LIMS2: variants seen among roughly 807,000 people sequenced by gnomAD.
The protein encoded by LIMS2 is LIM and senescent cell antigen-like-containing domain protein 2.
LIMS2 carries 30 observed loss-of-function variants against 45.3 expected under a neutral mutation model. The ratio of observed to expected loss-of-function variants is 0.66; its 90% confidence interval spans 0.50 to 0.90. The LOEUF is 0.90. LIMS2 is among the 40% of genes least tolerant of loss of function. LIMS2 has a pLI of 0.00. For missense variants in LIMS2, 485 were observed against 468.7 expected (o/e 1.03, Z -0.32); for synonymous variants, 173 against 188.0 (o/e 0.92, Z 0.65).
At chr2:127,668,961 G>A (rs928136466) in intron 1 of LIMS2, among the ~76,000 whole-genome samples, 5 of 152,036 alleles carry the variant, frequency 3.3e-5, no homozygotes, top group Non-Finnish European at 5.9e-5. Context: ...GTGTGGTGGT[G>A]TGTACCTGTG....
upstream of LIMS2, among the ~76,000 whole-genome samples, chr2:127,679,984 A>G (rs1164007063): frequency 6.6e-6 from 1 of 152,062 alleles, no homozygotes; most frequent in Non-Finnish European, 1.5e-5. The surrounding 1 kb of genome is among the most constrained non-coding windows in gnomAD (Gnocchi z 5.3). Context: ...CCAGACGGCC[A>G]CTCTACAAGG....
Position 127,664,259 on chromosome 2 carries a change from CT to C in LIMS2, c.12-6698del. The C allele has an allele frequency of 8.2e-7, 1 of 1,225,614 alleles. No homozygotes were observed. Among genetic ancestry groups the C allele is most frequent in the Non-Finnish European group, 1.0e-6 (1 of 983,684 alleles). The allele number at this position is 1,225,614 out of a possible 1,614,324, so 75.9% of individuals were successfully genotyped here. A position where few individuals can be genotyped will look rare whatever the true frequency, so the allele number is the denominator to read the frequency against. On this transcript the variant is annotated intron_variant, in intron 1 of 9. Coordinates refer to ENST00000355119, the MANE Select transcript of LIMS2 (RefSeq NM_001161403.3). The surrounding 1 kb of genome is among the most constrained non-coding windows in gnomAD (Gnocchi z 5.5). ...GGGAAGGCCTGCCCTGCCGCCGCAGCTTTCCGGCCATTGTCCCCGCCACCCG... is the reference window on the plus strand; with the variant it reads ...GGGAAGGCCTGCCCTGCCGCCGCAGCTTCCGGCCATTGTCCCCGCCACCCG...
intron 1 of LIMS2, among the ~76,000 whole-genome samples, chr2:127,659,873 T>C (rs1206678146): frequency 6.6e-6 from 1 of 152,208 alleles, no homozygotes; most frequent in Non-Finnish European, 1.5e-5. Context: ...CTGCCCCCTC[T>C]GGCTTCCAGC....
At chr2:127,659,301 C>T (rs72843390) in intron 1 of LIMS2, among the ~76,000 whole-genome samples, 28,562 of 152,156 alleles carry the variant, frequency 0.19, 3,180 homozygotes, top group African/African-American at 0.31. Flanking sequence ...AGCCACCATG[C>T]GAGCCCACAT....
intron 6 of LIMS2, chr2:127,641,472 AGGGCTGG>A (rs1285229668): frequency 1.1e-5 from 2 of 175,138 alleles, no homozygotes; most frequent in African/African-American, 4.7e-5. Context: ...TGTGAGGATG[AGGGCTGG>A]GGGCTGGGGC....
intron 4 of LIMS2, among the ~76,000 whole-genome samples, chr2:127,644,653 C>G (rs1398677626): frequency 6.6e-6 from 1 of 152,260 alleles, no homozygotes; most frequent in East Asian, 1.9e-4. Context: ...ATTTCTGTCT[C>G]AAAGATGCAG....
At chr2:127,651,911 A>C in intron 4 of LIMS2, 1 of 710,750 alleles carries the variant, frequency 1.4e-6, no homozygotes, top group Non-Finnish European at 2.4e-6. Context: ...CAACCCATAA[A>C]AAGGAAGAAC....
At chr2:127,651,661 G>A in intron 4 of LIMS2, 2 of 1,613,444 alleles carry the variant, frequency 1.2e-6, no homozygotes, top group Non-Finnish European at 1.7e-6. Context: ...CACGCCCTGT[G>A]CAACTTGCTC....
rs1051502040 is a variant in LIMS2 at position 127,654,255 on chromosome 2, T to C, written c.359+169A>G. On this transcript the variant is annotated intron_variant, in intron 4 of 9. Transcript: ENST00000355119. ...GCGTGGGGCCCTGTAAACTGGGAGC[T>C]GGACTATCCGCCCCGGGGTGACCTG... 2.0e-4 allele frequency among the ~76,000 whole-genome samples: 30 copies of C among 152,008 alleles called. 1 individual carries two copies. Among genetic ancestry groups the C allele is most frequent in the Non-Finnish European group, 5.9e-5 (4 of 67,976 alleles).
chr2:127,664,763 G>A lies in LIMS2; in HGVS notation c.12-7201C>T, dbSNP rs1684917604. On this transcript the variant is annotated intron_variant, in intron 1 of 9. Coordinates refer to ENST00000355119, the MANE Select transcript of LIMS2 (RefSeq NM_001161403.3). The surrounding 1 kb of genome is among the most constrained non-coding windows in gnomAD (Gnocchi z 5.5). Reference sequence around the variant, plus strand: ...GCCACCTGCCAGGAGGAAAGCCTGTGCCCGTGGACACACTGAGGAGGGCAG... The same window carrying A: ...GCCACCTGCCAGGAGGAAAGCCTGTACCCGTGGACACACTGAGGAGGGCAG... Among the ~76,000 whole-genome samples the A allele has an allele frequency of 6.6e-6, 1 of 152,218 alleles. No individual in the cohort carries two copies. The highest frequency in any genetic ancestry group is 2.1e-4 in the South Asian group (1 of 4,830).
intron 4 of LIMS2, chr2:127,651,351 A>G (rs1402822916): frequency 6.2e-7 from 1 of 1,612,132 alleles, no homozygotes. Flanking sequence ...CTTCCCGTTC[A>G]TCACCACGGT....
At chr2:127,655,247 G>A in intron 2 of LIMS2, 4 of 389,560 alleles carry the variant, frequency 1.0e-5, no homozygotes, top group East Asian at 5.5e-5. Context: ...GAAGTGTAGT[G>A]TCACTTGGTC....
At chr2:127,643,431 A>C in intron 4 of LIMS2, 3 of 460,720 alleles carry the variant, frequency 6.5e-6, no homozygotes, top group Non-Finnish European at 1.3e-5. Context: ...AACACACACG[A>C]GTTATAATGA....
intron 4 of LIMS2, among the ~76,000 whole-genome samples, chr2:127,644,612 C>T (rs567342940): frequency 8.5e-4 from 129 of 152,324 alleles, no homozygotes; most frequent in African/African-American, 2.9e-3. Context: ...TCCTCCTGAG[C>T]GTCAGGACAA....
upstream of LIMS2, among the ~76,000 whole-genome samples, chr2:127,679,407 CAG>C (rs1380237885): frequency 2.0e-5 from 3 of 151,894 alleles, no homozygotes; most frequent in Non-Finnish European, 4.4e-5. This position sits in a 1 kb window ranked among gnomAD's most constrained non-coding sequence, Gnocchi z 5.3. Context: ...GAGGGACATT[CAG>C]AGAGTGGCTT....
intron 4 of LIMS2, chr2:127,645,937 C>T (rs1682920596): frequency 6.6e-6 from 1 of 152,442 alleles, no homozygotes; most frequent in Non-Finnish European, 1.5e-5. Flanking sequence ...GTCTCTGAGA[C>T]AGTCACACAC....
intron 1 of LIMS2, among the ~76,000 whole-genome samples, chr2:127,660,433 G>A (rs1684550058): frequency 1.3e-5 from 2 of 152,158 alleles, no homozygotes; most frequent in South Asian, 4.1e-4. Context: ...TCACAGCGAA[G>A]GTCTGCAGTT....
rs138155884 is a variant in LIMS2, at chr2:127,651,461, C to T, written c.359+2963G>A. 1.1e-4 allele frequency: 179 copies of T among 1,612,970 alleles called. No homozygotes were observed. The African/African-American group carries it at 1.9e-3, about 18-fold the overall frequency. On this transcript the variant is annotated intron_variant, in intron 4 of 9. Coordinates refer to ENST00000355119, the MANE Select transcript of LIMS2 (RefSeq NM_001161403.3). ...TGCGCATGATCGCCATAGTGCTGGCCATCTTCCTGGTCTGCTTCGTGCCCT... is the reference window on the plus strand; with the variant it reads ...TGCGCATGATCGCCATAGTGCTGGCTATCTTCCTGGTCTGCTTCGTGCCCT...
upstream of LIMS2, among the ~76,000 whole-genome samples, chr2:127,680,395 G>A (rs1347219354): frequency 6.6e-6 from 1 of 152,234 alleles, no homozygotes; most frequent in Non-Finnish European, 1.5e-5. Flanking sequence ...CGAGGTTACA[G>A]TGAGCTATGA....
Sources: gnomAD v4.1 joint callset for allele counts (sites outside exome capture counted in the v4.1 genomes callset) on GRCh38, gnomAD v4.1.1 for gene constraint, Gnocchi (gnomAD v3.1) non-coding constraint, MANE v1.5 for transcripts, NCBI Gene and HGNC (gene_info 2026-07-23, HGNC 2026-07-21) for gene names.